OSBPL10: variants seen among roughly 807,000 people sequenced by gnomAD.
OSBPL10 encodes the protein oxysterol-binding protein-related protein 10.
OSBPL10 carries 49 observed loss-of-function variants against 81.7 expected under a neutral mutation model. The ratio of observed to expected loss-of-function variants is 0.60; its 90% CI spans 0.48 to 0.76. OSBPL10 has a LOEUF of 0.76. OSBPL10 is among the 30% of genes least tolerant of loss of function. The pLI is 0.00. For synonymous variants in OSBPL10, 419 were observed against 383.6 expected, an observed-to-expected ratio of 1.09 and a Z score of -1.08; for missense variants, 923 against 987.8, an observed-to-expected ratio of 0.93 and a Z score of 0.88.
chr3:31,857,408 G>C (rs1575585789), intron 3 of OSBPL10, among the ~76,000 whole-genome samples: 2 of 151,974 alleles, frequency 1.3e-5, no homozygotes, highest in Non-Finnish European at 1.5e-5. Context: ...CATCTTCAAG[G>C]ACATTAGATG....
intron 1 of OSBPL10, among the ~76,000 whole-genome samples, chr3:31,917,831 T>A (rs72851873): frequency 0.16 from 23,692 of 151,224 alleles, 2,255 homozygotes; most frequent in African/African-American, 0.23. Context: ...GGTTTTGTTA[T>A]CAGCCTTAGT....
intron 6 of OSBPL10, among the ~76,000 whole-genome samples, chr3:31,715,501 C>T (rs1696403746): frequency 6.6e-6 from 1 of 152,194 alleles, no homozygotes; most frequent in African/African-American, 2.4e-5. Flanking sequence ...TCGAACGTTA[C>T]TGCCATGTCT....
At chr3:31,791,115 T>C (rs1481428323) in intron 4 of OSBPL10, among the ~76,000 whole-genome samples, 4 of 152,202 alleles carry the variant, frequency 2.6e-5, no homozygotes, top group Non-Finnish European at 4.4e-5. Context: ...GTGACCTTTT[T>C]ACAAAACAAA....
intron 3 of OSBPL10, among the ~76,000 whole-genome samples, chr3:31,847,032 T>C (rs1700651225): frequency 2.6e-5 from 4 of 152,014 alleles, no homozygotes; most frequent in African/African-American, 7.3e-5. Flanking sequence ...CCACTCTCAG[T>C]CCTCAAAATA....
In OSBPL10 at chr3:31,716,225, G is replaced by C. The variant is rs796383198; in HGVS notation, c.1096-13717C>G. ...TGTTTATCCTTTTAATTGAAATATA[G>C]TTATAACTTATACTTGGTACAATAT... On this transcript the variant is annotated intron_variant, in intron 6 of 11. Transcript: ENST00000396556. 1.6e-4 allele frequency among the ~76,000 whole-genome samples: 25 copies of C among 152,272 alleles called. 2 individuals are homozygous for C. Among genetic ancestry groups the C allele is most frequent in the African/African-American group, 5.3e-4 (22 of 41,544 alleles).
chr3:31,890,878 C>G (rs1695874549), intron 1 of OSBPL10, among the ~76,000 whole-genome samples: 1 of 152,090 alleles, frequency 6.6e-6, no homozygotes, highest in Admixed American at 6.5e-5. Flanking sequence ...GAGCTAAGTC[C>G]TGATTCACGT....
rs557851497 is a variant in OSBPL10 at position 31,861,950 on chromosome 3, G to A, written c.537+14483C>T. On this transcript the variant is annotated intron_variant, in intron 3 of 11. Coordinates refer to ENST00000396556, the MANE Select transcript of OSBPL10 (RefSeq NM_017784.5). ...ATGTATTCTTACAGCCTCGCAATGG[G>A]GTCTCTCCAGTAGGGTAGTAAATAT... Among the ~76,000 whole-genome samples the A allele has an allele frequency of 1.3e-3, 201 of 152,124 alleles. 3 individuals carry two copies. The highest frequency in any genetic ancestry group is 3.5e-3 in the African/African-American group (145 of 41,476).
Position 31,830,243 on chromosome 3 carries a change from A to C in OSBPL10, c.538-12T>G. On this transcript the variant is annotated splice_polypyrimidine_tract_variant and intron_variant, in intron 3 of 11. Transcript: ENST00000396556. ...GAGCTTGGAGCACTCTAGAATAAGC[A>C]ACAGGTGTCAAAACTCAACAACTGA... 6.2e-7 allele frequency: 1 copy of C among 1,605,950 alleles called. No individual in the cohort carries two copies. Among genetic ancestry groups the C allele is most frequent in the Non-Finnish European group, 8.5e-7 (1 of 1,176,202 alleles).
intron 1 of OSBPL10, among the ~76,000 whole-genome samples, chr3:32,074,542 G>T (rs980197501): frequency 6.6e-6 from 1 of 152,052 alleles, no homozygotes; most frequent in Non-Finnish European, 1.5e-5. Flanking sequence ...AGTCACTATT[G>T]TTTAGGAAGA....
intron 11 of OSBPL10, chr3:31,662,654 C>G (rs1352734443): frequency 1.0e-6 from 1 of 985,992 alleles, no homozygotes; most frequent in East Asian, 1.1e-4. Flanking sequence ...AGGCACTATA[C>G]TGAATAACTG....
intron 1 of OSBPL10, among the ~76,000 whole-genome samples, chr3:31,901,726 C>T (rs1202461460): frequency 2.0e-5 from 3 of 152,170 alleles, no homozygotes; most frequent in Non-Finnish European, 2.9e-5. Flanking sequence ...GCTGGCTGCT[C>T]GGTATCTAGC....
intron 1 of OSBPL10, among the ~76,000 whole-genome samples, chr3:31,937,227 T>C (rs1697399641): frequency 6.7e-6 from 1 of 149,400 alleles, no homozygotes; most frequent in South Asian, 2.1e-4. Flanking sequence ...GAGGTTGCAG[T>C]GATCCGAGAT....
intron 7 of OSBPL10, among the ~76,000 whole-genome samples, chr3:31,697,324 G>A (rs1695752967): frequency 6.6e-6 from 1 of 152,084 alleles, no homozygotes; most frequent in East Asian, 1.9e-4. Context: ...TGAACAACAG[G>A]CAAGACCAGC....
chr3:31,849,939 C>T (rs1049848263), intron 3 of OSBPL10, among the ~76,000 whole-genome samples: 4 of 152,068 alleles, frequency 2.6e-5, no homozygotes, highest in Non-Finnish European at 4.4e-5. Flanking sequence ...CCGAAGTAAG[C>T]GGATCACCTG....
chr3:31,670,311 G>A (rs943539133), intron 9 of OSBPL10, among the ~76,000 whole-genome samples: 2 of 152,224 alleles, frequency 1.3e-5, no homozygotes, highest in African/African-American at 2.4e-5. Context: ...AAACAATTTT[G>A]TGCTTCCTCA....
intron 3 of OSBPL10, among the ~76,000 whole-genome samples, chr3:31,862,982 T>G (rs1195857299): frequency 6.6e-6 from 1 of 152,170 alleles, no homozygotes; most frequent in Non-Finnish European, 1.5e-5. Context: ...CACAGCAGCA[T>G]TATTCACAAT....
intron 1 of OSBPL10, among the ~76,000 whole-genome samples, chr3:31,952,986 G>A (rs1488092520): frequency 6.9e-6 from 1 of 145,450 alleles, no homozygotes; most frequent in African/African-American, 2.6e-5. Flanking sequence ...AGGCTGGAGT[G>A]CAATGGTGCA....
chr3:31,994,866 C>T (rs144012257), intron 2 of OSBPL10, among the ~76,000 whole-genome samples: 254 of 152,186 alleles, frequency 1.7e-3, no homozygotes, highest in African/African-American at 5.9e-3. Context: ...CCCTAAGTGT[C>T]GGCTGGTCTG....
chr3:31,761,163 T>A (rs890005733), intron 4 of OSBPL10, among the ~76,000 whole-genome samples: 5 of 152,090 alleles, frequency 3.3e-5, no homozygotes, highest in Admixed American at 1.3e-4. Context: ...CCCTGCATAA[T>A]GCAGGGTAAA....
Sources: allele counts gnomAD v4.1 joint callset (sites outside exome capture counted in the v4.1 genomes callset), GRCh38; gene constraint gnomAD v4.1.1; transcripts MANE v1.5; gene names NCBI Gene and HGNC (gene_info 2026-07-23, HGNC 2026-07-21).